Variants in DACH1 observed in about 807,000 individuals in gnomAD.
DACH1 encodes dachshund family transcription factor 1.
In DACH1, 12 loss-of-function variants were observed where a neutral mutation model predicts 54.2. The observed-to-expected ratio is 0.22, with a 90% CI of 0.14 to 0.36. The LOEUF is 0.36. Among genes scored for constraint, DACH1 ranks in the 10% least tolerant of loss-of-function variants. The pLI is 1.00. For synonymous variants in DACH1, 386 were observed against 366.2 expected, an observed-to-expected ratio of 1.05 and a Z score of -0.62; for missense variants, 805 against 929.8, an observed-to-expected ratio of 0.87 and a Z score of 1.75.
chr13:71,713,999 C>T (rs1476374348), intron 1 of DACH1, among the ~76,000 whole-genome samples: 2 of 151,908 alleles, frequency 1.3e-5, no homozygotes, highest in Non-Finnish European at 1.5e-5. Flanking sequence ...TCTATCATTA[C>T]TTGAAGCTCT....
At chr13:71,678,277 G>C (rs780465698) in intron 2 of DACH1, among the ~76,000 whole-genome samples, 2 of 152,176 alleles carry the variant, frequency 1.3e-5, no homozygotes, top group Non-Finnish European at 2.9e-5. Flanking sequence ...ATTATAAAAT[G>C]TATTTAGGAT....
At chr13:71,602,053 G>T (rs1432185708) in intron 3 of DACH1, among the ~76,000 whole-genome samples, 1 of 151,930 alleles carries the variant, frequency 6.6e-6, no homozygotes, top group African/African-American at 2.4e-5. Flanking sequence ...TTAATTGAAG[G>T]CACAGTAAAA....
At chr13:71,505,090 C>CTGCT (rs576015763) in intron 6 of DACH1, among the ~76,000 whole-genome samples, 1,661 of 151,834 alleles carry the variant, frequency 0.011, 15 homozygotes, top group Middle Eastern at 0.048. Flanking sequence ...TCCTTCCTTC[C>CTGCT]TTCTTTCTTT....
chr13:71,850,487 A>G (rs1304854685), intron 1 of DACH1, among the ~76,000 whole-genome samples: 1 of 152,116 alleles, frequency 6.6e-6, no homozygotes, highest in East Asian at 1.9e-4. Context: ...GCTTCCTTCT[A>G]TACCTTATCC....
chr13:71,642,685 T>C (rs988467148), intron 2 of DACH1, among the ~76,000 whole-genome samples: 4 of 152,076 alleles, frequency 2.6e-5, no homozygotes, highest in African/African-American at 9.7e-5. Context: ...CATTAATACA[T>C]CACAATAACC....
chr13:71,440,759 T>C, intron 10 of DACH1, 67 bp from the exon 11 acceptor site: 1 of 1,201,564 alleles, frequency 8.3e-7, no homozygotes, highest in Non-Finnish European at 1.2e-6. Flanking sequence ...CATGTAAAAA[T>C]GATGTAACTT....
At chr13:71,635,472 CCAAA>C (rs1209397808) in intron 2 of DACH1, among the ~76,000 whole-genome samples, 5 of 152,082 alleles carry the variant, frequency 3.3e-5, no homozygotes, top group Admixed American at 2.0e-4. Context: ...TATGTTGTTC[CCAAA>C]CAAAGTTGCC....
Position 71,866,087 on chromosome 13 carries a change from G to C in DACH1, c.683C>G (p.Thr228Arg), listed in dbSNP as rs1428580611. ...CAGCCGCTTCAGCTTGGTGTAGACC[G>C]TATGCAAGCCCCCCACCAAGTGCTT... ...FLKHLVGGLH[T>R]VYTKLKRLEI... Residue 228 changes from threonine (T) to arginine (R), a missense_variant, in exon 1 of 11, where the codon ACG becomes AGG. By Grantham distance (71) the Thr-to-Arg change is moderately conservative. This residue lies in a region of DACH1 where 28 missense variants were observed against 75.7 expected (regional missense o/e 0.37). Transcript: ENST00000613252. 6.2e-7 allele frequency: 1 copy of C among 1,613,400 alleles called. No individual in the cohort carries two copies. Among genetic ancestry groups the C allele is most frequent in the African/African-American group, 1.3e-5 (1 of 74,750 alleles).
At chr13:71,723,926 A>G (rs555893649) in intron 1 of DACH1, among the ~76,000 whole-genome samples, 16 of 152,216 alleles carry the variant, frequency 1.1e-4, no homozygotes, top group African/African-American at 3.9e-4. Flanking sequence ...CCTGGCCTCA[A>G]GTGATCTGCC....
At chr13:71,481,963 C>T (rs1273107398) in intron 7 of DACH1, among the ~76,000 whole-genome samples, 1 of 152,092 alleles carries the variant, frequency 6.6e-6, no homozygotes, top group Non-Finnish European at 1.5e-5. Context: ...AATGCTGTGG[C>T]AAAAATGTGA....
At chr13:71,577,758 G>A (rs748927806) in intron 3 of DACH1, among the ~76,000 whole-genome samples, 38 of 152,084 alleles carry the variant, frequency 2.5e-4, no homozygotes, top group Admixed American at 2.1e-3. Context: ...AGAATAAACA[G>A]AAATAAAGGG....
At position 71,630,011 on chromosome 13, in the gene DACH1, GA is replaced by G. The variant is rs570909933; in HGVS notation, c.1126+544del. On this transcript the variant is annotated intron_variant, in intron 3 of 10. Transcript: ENST00000613252. ...TCATCTTTCTCCATATGGTAGGAAA[GA>G]AAAAAAATCAAGAAAATTAAAGTCA... Among the ~76,000 whole-genome samples the G allele has an allele frequency of 9.4e-4, 142 of 151,640 alleles. No homozygotes were observed. The East Asian group carries it at 0.011, about 11-fold the overall frequency.
chr13:71,849,531 C>A (rs1873523349), intron 1 of DACH1, among the ~76,000 whole-genome samples: 1 of 152,116 alleles, frequency 6.6e-6, no homozygotes, highest in Non-Finnish European at 1.5e-5. Context: ...GGCCAAAACC[C>A]TTTTTTCTCC....
intron 3 of DACH1, among the ~76,000 whole-genome samples, chr13:71,574,648 G>T (rs1195861508): frequency 6.6e-6 from 1 of 151,934 alleles, no homozygotes; most frequent in African/African-American, 2.4e-5. Context: ...TTAGAGTAAA[G>T]TGTTCAGAAG....
chr13:71,770,259 T>G (rs1885799109), intron 1 of DACH1, among the ~76,000 whole-genome samples: 1 of 151,710 alleles, frequency 6.6e-6, no homozygotes, highest in South Asian at 2.1e-4. Context: ...TTGTTTTCAT[T>G]TTTGAATGCA....
chr13:71,638,245 C>T (rs1357764797), intron 2 of DACH1, among the ~76,000 whole-genome samples: 2 of 152,218 alleles, frequency 1.3e-5, no homozygotes, highest in South Asian at 2.1e-4. Context: ...GAGAGACAGG[C>T]GGCTTATAAA....
intron 1 of DACH1, among the ~76,000 whole-genome samples, chr13:71,818,851 C>A (rs1888071368): frequency 6.6e-6 from 1 of 152,092 alleles, no homozygotes; most frequent in Admixed American, 6.5e-5. Flanking sequence ...AGCAAGTTCC[C>A]AAAGCACATT....
intron 6 of DACH1, among the ~76,000 whole-genome samples, chr13:71,508,509 C>T (rs1230651786): frequency 6.6e-6 from 1 of 151,958 alleles, no homozygotes; most frequent in Non-Finnish European, 1.5e-5. Flanking sequence ...CTCTGTCACC[C>T]AGTCTAGAGT....
intron 6 of DACH1, among the ~76,000 whole-genome samples, chr13:71,549,598 T>C (rs997194821): frequency 6.6e-6 from 1 of 152,156 alleles, no homozygotes; most frequent in Non-Finnish European, 1.5e-5. Context: ...AGAAAAGATG[T>C]ACTGGAGATA....
Sources: allele counts gnomAD v4.1 joint callset (sites outside exome capture counted in the v4.1 genomes callset), GRCh38; gene constraint gnomAD v4.1.1; regional missense constraint gnomAD v4.1.1; transcripts MANE v1.5; gene names NCBI Gene and HGNC (gene_info 2026-07-23, HGNC 2026-07-21).